The following PPM1E variants were observed in gnomAD, a reference collection of about 807,000 sequenced individuals.
PPM1E encodes protein phosphatase 1E.
A neutral mutation model predicts 65.9 loss-of-function variants in PPM1E; 20 were observed. The ratio of observed to expected loss-of-function variants is 0.30; its 90% CI spans 0.21 to 0.44. The LOEUF is 0.44. Ranked by LOEUF, PPM1E falls within the 20% of genes least tolerant of loss-of-function variation. The pLI is 1.00. For synonymous variants in PPM1E, 352 were observed against 374.9 expected (o/e 0.94, Z 0.70); for missense variants, 713 against 953.1 (o/e 0.75, Z 3.32).
intron 1 of PPM1E, among the ~76,000 whole-genome samples, chr17:58,939,100 TA>T (rs2052025750): frequency 6.6e-6 from 1 of 152,168 alleles, no homozygotes; most frequent in Non-Finnish European, 1.5e-5. Flanking sequence ...CTAATTCCGA[TA>T]ATGACTTGGA....
At position 58,805,961 on chromosome 17, in the gene PPM1E, C is replaced by CAAAAAAAAA. The variant is rs71367632; in HGVS notation, c.464+49504_464+49512dup. ...CAGGCTGTTCTGCTAAAAAAAAAAA[C>CAAAAAAAAA]AAAAAAAAAAAACAAAAAAAAAACA... On this transcript the variant is annotated intron_variant, in intron 1 of 6. Coordinates refer to ENST00000308249, the MANE Select transcript of PPM1E (RefSeq NM_014906.5). Among the ~76,000 whole-genome samples the CAAAAAAAAA allele has an allele frequency of 2.7e-4, 19 of 69,822 alleles. 2 individuals carry two copies. The highest frequency in any genetic ancestry group is 3.8e-4 in the Non-Finnish European group (14 of 36,508). 45.8% of individuals were successfully genotyped at this position (69,822 alleles called of 152,430 possible).
At chr17:58,794,129 G>A (rs759323537) in intron 1 of PPM1E, among the ~76,000 whole-genome samples, 1 of 152,134 alleles carries the variant, frequency 6.6e-6, no homozygotes, top group Non-Finnish European at 1.5e-5. Flanking sequence ...TTTTTTAGTA[G>A]AGACAGGGTT....
intron 1 of PPM1E, among the ~76,000 whole-genome samples, chr17:58,779,614 T>C (rs573035290): frequency 6.6e-6 from 1 of 152,378 alleles, no homozygotes; most frequent in South Asian, 2.1e-4. Context: ...AATTCAATTA[T>C]GACCCTTTTA....
chr17:58,886,002 A>T (rs1247269079), intron 1 of PPM1E, among the ~76,000 whole-genome samples: 1 of 152,128 alleles, frequency 6.6e-6, no homozygotes, highest in East Asian at 1.9e-4. Context: ...TTGGGGGTGA[A>T]TTGGCTTTCT....
chr17:58,894,345 T>C (rs2051385739), intron 1 of PPM1E, among the ~76,000 whole-genome samples: 1 of 152,152 alleles, frequency 6.6e-6, no homozygotes, highest in South Asian at 2.1e-4. Context: ...TTAATAAAAT[T>C]AGTGATTATT....
At chr17:58,860,742 G>A (rs1324234521) in intron 1 of PPM1E, among the ~76,000 whole-genome samples, 5 of 152,092 alleles carry the variant, frequency 3.3e-5, no homozygotes, top group South Asian at 2.1e-4. Context: ...TCAGGAATTC[G>A]CGACCAGTTT....
chr17:58,909,535 A>G (rs1790782941), intron 1 of PPM1E, among the ~76,000 whole-genome samples: 1 of 152,018 alleles, frequency 6.6e-6, no homozygotes, highest in Admixed American at 6.6e-5. Context: ...GTGAGCCACC[A>G]TGGCTGACCT....
chr17:58,774,116 C>T (rs969736333), intron 1 of PPM1E, among the ~76,000 whole-genome samples: 8 of 151,654 alleles, frequency 5.3e-5, no homozygotes, highest in South Asian at 2.1e-4. Flanking sequence ...GAGCTGAGAT[C>T]GCGCCATTGC....
intron 1 of PPM1E, among the ~76,000 whole-genome samples, chr17:58,851,734 C>T (rs1256111129): frequency 6.6e-6 from 1 of 152,190 alleles, no homozygotes; most frequent in African/African-American, 2.4e-5. Context: ...GGTCAGGGAC[C>T]CACTTGAGGA....
chr17:58,757,477 T>C (rs1393637618), intron 1 of PPM1E, among the ~76,000 whole-genome samples: 1 of 152,220 alleles, frequency 6.6e-6, no homozygotes, highest in East Asian at 1.9e-4. Context: ...TCTGAAAACA[T>C]TGGTAAACCT....
chr17:58,799,506 G>A (rs2050238964), intron 1 of PPM1E, among the ~76,000 whole-genome samples: 1 of 151,956 alleles, frequency 6.6e-6, no homozygotes, highest in Non-Finnish European at 1.5e-5. Flanking sequence ...GCAGTGGCAC[G>A]ATCTTGGCTC....
chr17:58,845,826 G>A (rs891205537), intron 1 of PPM1E, among the ~76,000 whole-genome samples: 2 of 152,098 alleles, frequency 1.3e-5, no homozygotes, highest in South Asian at 2.1e-4. Context: ...GACTACAGGC[G>A]TGCGCCATCA....
intron 1 of PPM1E, among the ~76,000 whole-genome samples, chr17:58,860,754 A>G (rs938947081): frequency 3.3e-5 from 5 of 152,070 alleles, no homozygotes; most frequent in Non-Finnish European, 5.9e-5. Flanking sequence ...GACCAGTTTG[A>G]CCAACATGGT....
chr17:58,851,227 C>G (rs1477455147), intron 1 of PPM1E, among the ~76,000 whole-genome samples: 1 of 152,184 alleles, frequency 6.6e-6, no homozygotes, highest in Non-Finnish European at 1.5e-5. Context: ...CGAACACCCT[C>G]CTGTAGCTCG....
intron 1 of PPM1E, among the ~76,000 whole-genome samples, chr17:58,861,648 G>C (rs1419006632): frequency 6.6e-6 from 1 of 152,154 alleles, no homozygotes; most frequent in Non-Finnish European, 1.5e-5. Context: ...GTTTCTGGCT[G>C]GGCACGGTGG....
intron 1 of PPM1E, chr17:58,785,708 C>T (rs2050094233): frequency 6.6e-6 from 1 of 151,596 alleles, no homozygotes; most frequent in Non-Finnish European, 1.5e-5. Context: ...GGATGCGTTC[C>T]AAGACCCCCA....
chr17:58,852,114 C>T (rs558649441), intron 1 of PPM1E, among the ~76,000 whole-genome samples: 2 of 152,318 alleles, frequency 1.3e-5, no homozygotes, highest in South Asian at 4.1e-4. Context: ...GTGCTGTTTG[C>T]TAAGGCCATT....
At chr17:58,937,492 G>C (rs2051998962) in intron 1 of PPM1E, among the ~76,000 whole-genome samples, 1 of 149,760 alleles carries the variant, frequency 6.7e-6, no homozygotes, top group Admixed American at 6.6e-5. Flanking sequence ...TCAAACTCCT[G>C]ACCTCGTGAT....
At chr17:58,794,829 T>G (rs1002175045) in intron 1 of PPM1E, among the ~76,000 whole-genome samples, 2 of 152,114 alleles carry the variant, frequency 1.3e-5, no homozygotes, top group Non-Finnish European at 2.9e-5. Flanking sequence ...GGCATTTATG[T>G]TGATCCCATG....
Sources: allele counts gnomAD v4.1 joint callset (sites outside exome capture counted in the v4.1 genomes callset), GRCh38; gene constraint gnomAD v4.1.1; transcripts MANE v1.5; gene names NCBI Gene and HGNC (gene_info 2026-07-23, HGNC 2026-07-21).